The following RXRA variants were observed in gnomAD, a reference collection of about 807,000 sequenced individuals.
RXRA encodes retinoic acid receptor RXR-alpha.
Under a neutral mutation model 44.5 loss-of-function variants are expected in RXRA, and 5 were observed. That is an observed-to-expected ratio of 0.11 (90% CI 0.06 to 0.24). The LOEUF (loss-of-function observed/expected upper bound fraction) is 0.24, where lower values mean the gene tolerates loss of function less well. Ranked by LOEUF, RXRA falls within the 10% of genes least tolerant of loss-of-function variation. The pLI is 1.00. For synonymous variants in RXRA, 291 were observed against 271.4 expected (o/e 1.07, Z -0.71); for missense variants, 412 against 646.5 (o/e 0.64, Z 3.93).
At chr9:134,391,715 T>G (rs1412134187) in intron 1 of RXRA, among the ~76,000 whole-genome samples, 1 of 152,212 alleles carries the variant, frequency 6.6e-6, no homozygotes, top group Non-Finnish European at 1.5e-5. Flanking sequence ...TGGGCGTCAT[T>G]GCTGGAACTC....
intron 1 of RXRA, among the ~76,000 whole-genome samples, chr9:134,399,251 G>A (rs571132659): frequency 1.2e-4 from 18 of 152,350 alleles, no homozygotes; most frequent in Admixed American, 5.9e-4. Flanking sequence ...GGTGGGCATG[G>A]TTGCCTGGCC....
chr9:134,350,730 C>T (rs548225551), intron 1 of RXRA, among the ~76,000 whole-genome samples: 4 of 152,334 alleles, frequency 2.6e-5, no homozygotes, highest in African/African-American at 9.6e-5. Flanking sequence ...ATTCTCATGC[C>T]TTCTGCCGAG....
chr9:134,421,705 A>T lies in RXRA; in HGVS notation c.810A>T (p.Gln270His). 4 of 1,574,422 alleles carry T rather than the reference A, an allele frequency of 2.5e-6. No individual in the cohort carries two copies. Among genetic ancestry groups the T allele is most frequent in the Non-Finnish European group, 3.5e-6 (4 of 1,155,472 alleles). Residue 270 changes from glutamine (Q) to histidine (H), a missense_variant, in exon 6 of 10, where the codon CAA (glutamine) becomes CAT (histidine). Transcript: ENST00000481739. The stretch of plus-strand genomic sequence containing the variant: ...ACGACCCTGTCACCAACATTTGCCA[A>T]GCAGCCGACAAACAGCTTTTCACCC... ...SPNDPVTNIC[Q>H]AADKQLFTLV...
In RXRA at chr9:134,365,846, C is replaced by A. The variant is rs754360896; in HGVS notation, c.29-35786C>A. Among the ~76,000 whole-genome samples the A allele has an allele frequency of 1.3e-5, 2 of 151,992 alleles. No homozygotes were observed. The highest frequency in any genetic ancestry group is 4.8e-5 in the African/African-American group (2 of 41,378). ...CTGGTGGCTTGCCCATGCCACCATT[C>A]CTACTGCTAGGCTCAGGCCTGTCTT... On this transcript the variant is annotated intron_variant, in intron 1 of 9. Coordinates refer to ENST00000481739, the MANE Select transcript of RXRA (RefSeq NM_002957.6). This position sits in a 1 kb window ranked among gnomAD's most constrained non-coding sequence, Gnocchi z 4.0.
chr9:134,373,558 C>T (rs987247611), intron 1 of RXRA, among the ~76,000 whole-genome samples: 1 of 152,238 alleles, frequency 6.6e-6, no homozygotes, highest in African/African-American at 2.4e-5. Flanking sequence ...CTGTCTATCA[C>T]CCTCCCTGGG....
At chr9:134,330,415 G>A (rs1364701437) in intron 1 of RXRA, among the ~76,000 whole-genome samples, 2 of 152,196 alleles carry the variant, frequency 1.3e-5, no homozygotes, top group Admixed American at 6.5e-5. Context: ...GGGCCTGGGG[G>A]GCTGGCCTGT....
At chr9:134,378,989 T>C (rs941422835) in intron 1 of RXRA, among the ~76,000 whole-genome samples, 2 of 152,206 alleles carry the variant, frequency 1.3e-5, no homozygotes, top group African/African-American at 4.8e-5. Flanking sequence ...GTCTCTTGCC[T>C]TCCCTCCTTG....
intron 1 of RXRA, chr9:134,401,285 C>G (rs375919081): frequency 8.5e-6 from 3 of 354,686 alleles, no homozygotes; most frequent in African/African-American, 6.4e-5. Context: ...CCACCAGCCA[C>G]TCCTCCCACT....
At chr9:134,382,734 C>T (rs1457601549) in intron 1 of RXRA, among the ~76,000 whole-genome samples, 1 of 152,116 alleles carries the variant, frequency 6.6e-6, no homozygotes, top group South Asian at 2.1e-4. Context: ...AGCCGGGTCT[C>T]TGGGAGGCCC....
intron 6 of RXRA, chr9:134,427,279 G>A (rs1239505735): frequency 3.7e-6 from 2 of 545,856 alleles, no homozygotes; most frequent in African/African-American, 2.1e-5. Flanking sequence ...TGCATGCTGC[G>A]GCCTTGGTTG....
At chr9:134,344,055 G>A (rs1172178606) in intron 1 of RXRA, among the ~76,000 whole-genome samples, 1 of 152,166 alleles carries the variant, frequency 6.6e-6, no homozygotes, top group Non-Finnish European at 1.5e-5. Context: ...CTCTCAAACC[G>A]TTGCCTCTGC....
chr9:134,401,394 A>C (rs904034336), intron 1 of RXRA: 13 of 606,104 alleles, frequency 2.1e-5, no homozygotes, highest in African/African-American at 1.7e-4. Context: ...CGTCTGCCGC[A>C]GGCCCAGCCT....
intron 1 of RXRA, among the ~76,000 whole-genome samples, chr9:134,371,577 G>A (rs1209618337): frequency 6.6e-6 from 1 of 152,238 alleles, no homozygotes; most frequent in African/African-American, 2.4e-5. Context: ...GAGAACTCTC[G>A]CCCCATTTCA....
intron 6 of RXRA, chr9:134,422,508 C>T (rs1831361938): frequency 8.2e-7 from 1 of 1,223,408 alleles, no homozygotes; most frequent in Non-Finnish European, 1.1e-6. Flanking sequence ...GGACACTCCC[C>T]TCTCCCGGGA....
rs1209519419 is a variant in RXRA, at chr9:134,417,404, C to T, written c.780+77C>T. The T allele has an allele frequency of 2.0e-6, 3 of 1,522,674 alleles. No homozygotes were observed. Among genetic ancestry groups the T allele is most frequent in the Non-Finnish European group, 2.7e-6 (3 of 1,120,048 alleles). The allele number at this position is 1,522,674 out of a possible 1,614,324, so 94.3% of individuals were successfully genotyped here. On this transcript the variant is annotated intron_variant, in intron 5 of 9. Transcript: ENST00000481739. The surrounding 1 kb of genome is among the most constrained non-coding windows in gnomAD (Gnocchi z 6.1). ...TCACTCACTCACCCTCCCACCTGAG[C>T]AGCTGATGAGCCAGAGAGGTCCTGG... is the stretch of plus-strand genomic sequence containing the variant.
At chr9:134,411,142 G>C (rs1009262113) in intron 4 of RXRA, among the ~76,000 whole-genome samples, 1 of 152,152 alleles carries the variant, frequency 6.6e-6, no homozygotes, top group African/African-American at 2.4e-5. Context: ...CCTGGCCCTC[G>C]GAAGTCGGTG....
intron 1 of RXRA, among the ~76,000 whole-genome samples, chr9:134,330,000 G>C (rs1230939372): frequency 6.6e-6 from 1 of 152,212 alleles, no homozygotes; most frequent in Non-Finnish European, 1.5e-5. Context: ...GTGGTGTGGG[G>C]GCGGGGTGAA....
Position 134,417,475 on chromosome 9 carries a change from G to A in RXRA, c.780+148G>A, listed in dbSNP as rs1831254707. 4.4e-6 allele frequency: 4 copies of A among 919,294 alleles called. No individual in the cohort carries two copies. The East Asian group carries it at 1.1e-4, about 24-fold the overall frequency. The allele number at this position is 919,294 out of a possible 1,614,324, so 56.9% of individuals were successfully genotyped here. On this transcript the variant is annotated intron_variant, in intron 5 of 9. Coordinates refer to ENST00000481739, the MANE Select transcript of RXRA (RefSeq NM_002957.6). This position sits in a 1 kb window ranked among gnomAD's most constrained non-coding sequence, Gnocchi z 6.1. ...GCTGCCTCAGCTCGGCCTCTTACCTGAGGTGACCCCGTGGGCCCCTCGCCC... is the reference window on the plus strand; with the variant it reads ...GCTGCCTCAGCTCGGCCTCTTACCTAAGGTGACCCCGTGGGCCCCTCGCCC...
rs761934751 is a variant in RXRA, at chr9:134,433,818, C to T, written c.1136-284C>T. ...CCTGACACTTTATCGATGGGGAAAC[C>T]GAGTCTCTGGAGGTCAAATAGTTGA... is the stretch of plus-strand genomic sequence containing the variant. On this transcript the variant is annotated intron_variant, in intron 8 of 9. Transcript: ENST00000481739. This position sits in a 1 kb window ranked among gnomAD's most constrained non-coding sequence, Gnocchi z 4.2. Among the ~76,000 whole-genome samples the T allele has an allele frequency of 1.3e-4, 20 of 152,164 alleles. No homozygotes were observed. Among genetic ancestry groups the T allele is most frequent in the Non-Finnish European group, 2.5e-4 (17 of 68,008 alleles).
Sources: gnomAD v4.1 joint callset for allele counts (sites outside exome capture counted in the v4.1 genomes callset) on GRCh38, gnomAD v4.1.1 for gene constraint, Gnocchi (gnomAD v3.1) non-coding constraint, MANE v1.5 for transcripts, NCBI Gene and HGNC (gene_info 2026-07-23, HGNC 2026-07-21) for gene names.